The following SNX29 variants were observed in gnomAD, a reference collection of about 807,000 sequenced individuals.
SNX29 encodes sorting nexin 29.
In SNX29, 78 loss-of-function variants were observed where a neutral mutation model predicts 102.1. The ratio of observed to expected loss-of-function variants is 0.76; its 90% CI spans 0.64 to 0.92. The LOEUF is 0.92. Ranked by LOEUF, SNX29 falls within the 40% of genes least tolerant of loss-of-function variation. The pLI is 0.00. For synonymous variants in SNX29, 580 were observed against 414.5 expected, an observed-to-expected ratio of 1.40 and a Z score of -4.85; for missense variants, 1,280 against 1,061.7, an observed-to-expected ratio of 1.21 and a Z score of -2.86.
At chr16:12,323,267 G>T (rs554681909) in intron 15 of SNX29, among the ~76,000 whole-genome samples, 2 of 139,684 alleles carry the variant, frequency 1.4e-5, no homozygotes, top group African/African-American at 2.7e-5. Context: ...AGTCATTTCT[G>T]TGCTGTGGCA....
intron 8 of SNX29, among the ~76,000 whole-genome samples, chr16:12,058,945 A>G (rs2151255155): frequency 6.7e-6 from 1 of 150,304 alleles, no homozygotes; most frequent in Non-Finnish European, 1.5e-5. Flanking sequence ...GGTGTGCAAT[A>G]CCATACCTGG....
chr16:12,466,974 C>T (rs768306116), intron 18 of SNX29, among the ~76,000 whole-genome samples: 16 of 152,110 alleles, frequency 1.1e-4, no homozygotes, highest in Admixed American at 3.3e-4. Flanking sequence ...GGCACCTGGA[C>T]CAGAAATTCA....
intron 16 of SNX29, among the ~76,000 whole-genome samples, chr16:12,387,129 A>T (rs1308079285): frequency 6.6e-6 from 1 of 151,020 alleles, no homozygotes; most frequent in East Asian, 2.0e-4. Context: ...AGTCTCATTA[A>T]AAAAATAAAA....
chr16:12,524,519 G>C (rs2090222684), intron 19 of SNX29, among the ~76,000 whole-genome samples, 183 bp from the exon 20 acceptor site: 1 of 150,442 alleles, frequency 6.6e-6, no homozygotes, highest in Admixed American at 6.7e-5. Flanking sequence ...AATATCGTGA[G>C]CATCTTTCTT....
chr16:11,989,883 C>T (rs1206850065), intron 1 of SNX29, among the ~76,000 whole-genome samples: 1 of 152,180 alleles, frequency 6.6e-6, no homozygotes, highest in Non-Finnish European at 1.5e-5. Flanking sequence ...TTGAGTCAGC[C>T]ATCGGGAGGC....
intron 1 of SNX29, among the ~76,000 whole-genome samples, chr16:11,980,619 G>C (rs530417839): frequency 6.6e-6 from 1 of 152,154 alleles, no homozygotes; most frequent in Admixed American, 6.5e-5. Flanking sequence ...ACCATTTTCA[G>C]TTCTCACCAG....
chr16:12,138,965 G>A (rs1171913011), intron 13 of SNX29, among the ~76,000 whole-genome samples: 1 of 152,124 alleles, frequency 6.6e-6, no homozygotes, highest in Non-Finnish European at 1.5e-5. Flanking sequence ...CACTTTGGGA[G>A]GCCGAGGTAG....
At chr16:12,153,415 C>G (rs1294264318) in intron 13 of SNX29, among the ~76,000 whole-genome samples, 1 of 151,804 alleles carries the variant, frequency 6.6e-6, no homozygotes, top group Non-Finnish European at 1.5e-5. Flanking sequence ...TGGGGAGATC[C>G]CCCCATGTTT....
intron 3 of SNX29, among the ~76,000 whole-genome samples, chr16:12,009,239 G>T (rs578095464): frequency 6.6e-6 from 1 of 152,140 alleles, no homozygotes; most frequent in Non-Finnish European, 1.5e-5. Flanking sequence ...CTGCCAAGGT[G>T]TTGGTGGATG....
At chr16:11,982,544 C>T (rs2055445002) in intron 1 of SNX29, among the ~76,000 whole-genome samples, 1 of 151,738 alleles carries the variant, frequency 6.6e-6, no homozygotes, top group Non-Finnish European at 1.5e-5. Flanking sequence ...ATTCTCCTGC[C>T]TCAGCCTCCC....
At chr16:12,546,907 G>T (rs1352679066) in intron 20 of SNX29, among the ~76,000 whole-genome samples, 1 of 152,222 alleles carries the variant, frequency 6.6e-6, no homozygotes, top group Non-Finnish European at 1.5e-5. Flanking sequence ...GCAGCTGGAA[G>T]CCCTAGGAGG....
intron 18 of SNX29, among the ~76,000 whole-genome samples, chr16:12,417,317 G>A (rs193057645): frequency 1.2e-3 from 180 of 152,354 alleles, no homozygotes; most frequent in Non-Finnish European, 2.2e-3. Context: ...GGTTCCAGAA[G>A]TGAGCTTCCA....
chr16:12,349,314 C>CT (rs1410186901), intron 15 of SNX29, among the ~76,000 whole-genome samples: 1 of 152,234 alleles, frequency 6.6e-6, no homozygotes, highest in East Asian at 1.9e-4. Context: ...TCAAAGAGAG[C>CT]TATGGCTACT....
chr16:12,424,361 A>G (rs1033570488), intron 18 of SNX29, among the ~76,000 whole-genome samples: 5 of 152,086 alleles, frequency 3.3e-5, no homozygotes, highest in African/African-American at 1.2e-4. Context: ...TTTCTCTTCC[A>G]CTGCATACTT....
intron 13 of SNX29, among the ~76,000 whole-genome samples, chr16:12,195,686 C>G (rs528054345): frequency 6.6e-6 from 1 of 152,214 alleles, no homozygotes; most frequent in Non-Finnish European, 1.5e-5. Context: ...TTGCCCTGTT[C>G]ACTTAATTCG....
chr16:12,566,825 C>T (rs955692263), intron 20 of SNX29, among the ~76,000 whole-genome samples: 55 of 152,346 alleles, frequency 3.6e-4, no homozygotes, highest in African/African-American at 1.3e-3. Context: ...GCAGCTCCGG[C>T]TTTGTTCAAG....
intron 13 of SNX29, among the ~76,000 whole-genome samples, chr16:12,135,024 GC>G (rs1181977067): frequency 1.3e-5 from 2 of 152,150 alleles, no homozygotes; most frequent in Non-Finnish European, 2.9e-5. Flanking sequence ...GAGTCTGAAG[GC>G]ATGAGAGCCA....
intron 20 of SNX29, among the ~76,000 whole-genome samples, chr16:12,545,096 A>C (rs1013176107): frequency 8.5e-5 from 13 of 152,298 alleles, no homozygotes; most frequent in African/African-American, 3.1e-4. Context: ...CATCAGACCC[A>C]GGCTGCAGTA....
intron 15 of SNX29, among the ~76,000 whole-genome samples, chr16:12,304,430 G>A (rs572166485): frequency 1.3e-5 from 2 of 152,304 alleles, no homozygotes; most frequent in African/African-American, 4.8e-5. Flanking sequence ...ACGCCACCAT[G>A]TCTGCTGTTC....
Sources: allele counts gnomAD v4.1 joint callset (sites outside exome capture counted in the v4.1 genomes callset), GRCh38; gene constraint gnomAD v4.1.1; transcripts MANE v1.5; gene names NCBI Gene and HGNC (gene_info 2026-07-23, HGNC 2026-07-21).